The following FGF10 variants were observed in gnomAD, a reference collection of about 807,000 sequenced individuals.
FGF10 encodes fibroblast growth factor 10, also known as FGF-10.
FGF10 carries 2 observed loss-of-function variants against 19.8 expected under a neutral mutation model. The observed-to-expected ratio is 0.10, with a 90% CI of 0.04 to 0.32. FGF10 has a LOEUF of 0.32. FGF10 is among the 10% of genes least tolerant of loss of function. The pLI is 1.00. For missense variants in FGF10, 191 were observed against 246.3 expected (o/e 0.78, Z 1.50); for synonymous variants, 112 against 94.0 (o/e 1.19, Z -1.10).
chr5:44,375,246 G>T (rs751545738), intron 1 of FGF10, among the ~76,000 whole-genome samples: 3 of 152,154 alleles, frequency 2.0e-5, no homozygotes, highest in Non-Finnish European at 4.4e-5. Flanking sequence ...CTGTTTATGA[G>T]GAAACTAGAT....
chr5:44,350,610 A>T (rs1445200764), intron 1 of FGF10, among the ~76,000 whole-genome samples: 1 of 151,156 alleles, frequency 6.6e-6, no homozygotes, highest in African/African-American at 2.4e-5. Context: ...GTATATATAT[A>T]ATATACATAT....
At chr5:44,333,877 T>C (rs1740790391) in intron 1 of FGF10, among the ~76,000 whole-genome samples, 1 of 152,082 alleles carries the variant, frequency 6.6e-6, no homozygotes, top group African/African-American at 2.4e-5. Flanking sequence ...AGCGTGGCTG[T>C]AGGAAGAGGC....
rs199528089 is a variant in FGF10, at chr5:44,368,832, A to AT, written c.325+19525dup. Among the ~76,000 whole-genome samples the AT allele has an allele frequency of 2.6e-3, 390 of 151,412 alleles. 1 individual carries two copies. The highest frequency in any genetic ancestry group is 8.3e-3 in the African/African-American group (342 of 41,274). On this transcript the variant is annotated intron_variant, in intron 1 of 2. Transcript: ENST00000264664. ...CAGCAAGCACCATCATGATTGGCTA[A>AT]TTTTTTTTTATTTTTTGTAGAGATG... is the stretch of plus-strand genomic sequence containing the variant.
intron 1 of FGF10, among the ~76,000 whole-genome samples, chr5:44,345,181 C>G (rs980787569): frequency 1.3e-5 from 2 of 151,784 alleles, no homozygotes; most frequent in East Asian, 3.9e-4. Context: ...TGCAAAATAT[C>G]TTGACCTTAA....
intron 2 of FGF10, among the ~76,000 whole-genome samples, chr5:44,308,045 G>T (rs1740123621): frequency 6.6e-6 from 1 of 152,146 alleles, no homozygotes; most frequent in Non-Finnish European, 1.5e-5. Flanking sequence ...TCTCTCCAAG[G>T]TCACAATCTA....
intron 1 of FGF10, among the ~76,000 whole-genome samples, chr5:44,334,645 A>T (rs929159232): frequency 6.6e-6 from 1 of 152,178 alleles, no homozygotes; most frequent in African/African-American, 2.4e-5. Context: ...TACCTAGCTT[A>T]ACACAACTGG....
intron 1 of FGF10, among the ~76,000 whole-genome samples, chr5:44,342,591 GT>G (rs1236503958): frequency 6.6e-6 from 1 of 151,578 alleles, no homozygotes; most frequent in Non-Finnish European, 1.5e-5. Flanking sequence ...AAGCACTCTA[GT>G]AAACCACAGG....
intron 2 of FGF10, among the ~76,000 whole-genome samples, chr5:44,306,720 CAGCTCAAGTT>C (rs1160013284): frequency 6.6e-6 from 1 of 152,174 alleles, no homozygotes; most frequent in Non-Finnish European, 1.5e-5. Context: ...TTAATGCTAC[CAGCTCAAGTT>C]ATCTGTCCTG....
At chr5:44,325,705 A>AT (rs1381967228) in intron 1 of FGF10, among the ~76,000 whole-genome samples, 3 of 144,206 alleles carry the variant, frequency 2.1e-5, no homozygotes, top group African/African-American at 7.6e-5. Flanking sequence ...TGGACACAGG[A>AT]AGGGAACATC....
At chr5:44,356,783 T>G (rs897413900) in intron 1 of FGF10, among the ~76,000 whole-genome samples, 2 of 151,400 alleles carry the variant, frequency 1.3e-5, no homozygotes, top group Admixed American at 1.3e-4. Context: ...GGTGCTTTAA[T>G]GGAGGGAGTG....
rs1288982531 is a variant in FGF10 at position 44,303,465 on chromosome 5, T to G, written c.*1530A>C. ...ATAAAACTGCAGCATCAATATACTA[T>G]TATAGTTATTGCTTAAAAGTATTTA... On this transcript the variant is annotated 3_prime_UTR_variant, in exon 3 of 3. Transcript: ENST00000264664. 6.6e-6 allele frequency: 1 copy of G among 152,172 alleles called. No homozygotes were observed. Among genetic ancestry groups the G allele is most frequent in the East Asian group, 1.9e-4 (1 of 5,200 alleles). The allele number at this position is 152,172 out of a possible 1,614,324, so 9.4% of individuals were successfully genotyped here.
At chr5:44,312,313 G>A (rs931360781) in intron 1 of FGF10, among the ~76,000 whole-genome samples, 5 of 151,726 alleles carry the variant, frequency 3.3e-5, no homozygotes, top group Admixed American at 3.3e-4. Context: ...ATATAAAAAC[G>A]GAAGATACTT....
intron 1 of FGF10, among the ~76,000 whole-genome samples, chr5:44,358,646 C>T (rs772870421): frequency 2.0e-5 from 3 of 151,406 alleles, no homozygotes; most frequent in Non-Finnish European, 4.4e-5. Flanking sequence ...CCAGTAGCCT[C>T]GTAATGCAGT....
At chr5:44,365,056 A>C (rs1741573970) in intron 1 of FGF10, among the ~76,000 whole-genome samples, 1 of 152,080 alleles carries the variant, frequency 6.6e-6, no homozygotes, top group Non-Finnish European at 1.5e-5. Flanking sequence ...TCAAGTTTCC[A>C]ATTATAGTTA....
intron 1 of FGF10, among the ~76,000 whole-genome samples, chr5:44,330,066 T>C (rs899942632): frequency 1.3e-5 from 2 of 152,214 alleles, no homozygotes; most frequent in African/African-American, 4.8e-5. Flanking sequence ...TGGATGTATT[T>C]CTGCAACTTT....
At chr5:44,332,581 C>T (rs1740759356) in intron 1 of FGF10, among the ~76,000 whole-genome samples, 1 of 152,064 alleles carries the variant, frequency 6.6e-6, no homozygotes, top group Non-Finnish European at 1.5e-5. Context: ...TGGATAAAAC[C>T]ATATCTTCCC....
At chr5:44,336,961 G>A (rs1489163225) in intron 1 of FGF10, among the ~76,000 whole-genome samples, 1 of 152,036 alleles carries the variant, frequency 6.6e-6, no homozygotes, top group Non-Finnish European at 1.5e-5. Flanking sequence ...AATAACCAAA[G>A]ATGAGCCTCA....
intron 1 of FGF10, among the ~76,000 whole-genome samples, chr5:44,366,835 G>A (rs1174143106): frequency 2.6e-5 from 4 of 152,108 alleles, no homozygotes; most frequent in South Asian, 2.1e-4. Context: ...ATAGATGTGG[G>A]AGTTTAATAT....
At chr5:44,375,409 G>A (rs931858284) in intron 1 of FGF10, among the ~76,000 whole-genome samples, 14 of 152,110 alleles carry the variant, frequency 9.2e-5, no homozygotes, top group Non-Finnish European at 4.4e-5. Context: ...AAAGAGGGCA[G>A]GGACATCATT....
Sources: allele counts gnomAD v4.1 joint callset (sites outside exome capture counted in the v4.1 genomes callset), GRCh38; gene constraint gnomAD v4.1.1; transcripts MANE v1.5; gene names NCBI Gene and HGNC (gene_info 2026-07-23, HGNC 2026-07-21).